The following GTF2I variants were observed in gnomAD, a reference collection of about 807,000 sequenced individuals.
GTF2I encodes the protein general transcription factor IIi, also known as general transcription factor II-I.
GTF2I carries 12 observed loss-of-function variants against 67.6 expected under a neutral mutation model. The ratio of observed to expected loss-of-function variants is 0.18; its 90% CI spans 0.11 to 0.29. The LOEUF (loss-of-function observed/expected upper bound fraction) is 0.29, where lower values mean the gene tolerates loss of function less well. Ranked by LOEUF, GTF2I falls within the 10% of genes least tolerant of loss-of-function variation. The probability of loss-of-function intolerance (pLI) is 1.00; values close to 1 mark genes in which losing one functional copy is unlikely to be tolerated. For synonymous variants in GTF2I, 149 were observed against 197.0 expected (o/e 0.76, Z 2.04); for missense variants, 271 against 580.1 (o/e 0.47, Z 5.47).
chr7:74,700,790 A>G (rs1224966077), intron 6 of GTF2I, among the ~76,000 whole-genome samples, 156 bp downstream of exon 6: 1 of 152,246 alleles, frequency 6.6e-6, no homozygotes, highest in East Asian at 1.9e-4. Context: ...CAAAAGGTTC[A>G]TTGAGCTAAA....
At chr7:74,721,190 C>T (rs782483599) in intron 12 of GTF2I, among the ~76,000 whole-genome samples, 3 of 152,072 alleles carry the variant, frequency 2.0e-5, no homozygotes, top group South Asian at 2.1e-4. Context: ...TACAGGCATG[C>T]GCCGCCATGC....
rs1264234850 is a variant in GTF2I at position 74,708,380 on chromosome 7, G to GT, written c.685+1955dup. ...TTGTAACCTTAAGGAGAATACTAAG[G>GT]TTTTTTTTAAGGAACAATTCTAGGC... is the stretch of plus-strand genomic sequence containing the variant. On this transcript the variant is annotated intron_variant, in intron 8 of 34. Coordinates refer to ENST00000573035, the MANE Select transcript of GTF2I (RefSeq NM_032999.4). 1.6e-4 allele frequency among the ~76,000 whole-genome samples: 24 copies of GT among 151,864 alleles called. No individual in the cohort carries two copies. The East Asian group carries it at 3.5e-3, about 22-fold the overall frequency.
At chr7:74,752,442 A>G (rs1795855780) in intron 28 of GTF2I, among the ~76,000 whole-genome samples, 1 of 150,274 alleles carries the variant, frequency 6.7e-6, no homozygotes, top group African/African-American at 2.4e-5. Context: ...GAGACCGGGC[A>G]CGGTGGCTCA....
intron 3 of GTF2I, among the ~76,000 whole-genome samples, chr7:74,693,853 A>G (rs1171816328): frequency 2.0e-5 from 3 of 152,118 alleles, no homozygotes; most frequent in Admixed American, 6.5e-5. Context: ...TCAACGAAAA[A>G]AAAAGGAAAT....
intron 1 of GTF2I, among the ~76,000 whole-genome samples, chr7:74,685,127 AC>A: frequency 6.6e-6 from 1 of 152,366 alleles, no homozygotes; most frequent in South Asian, 2.1e-4. Context: ...ACTTGAAGTT[AC>A]AAAGGTTACA....
intron 20 of GTF2I, 118 bp downstream of exon 20, chr7:74,743,638 C>CTTTG (rs1795209385): frequency 1.4e-6 from 1 of 700,012 alleles, no homozygotes; most frequent in African/African-American, 1.7e-5. Context: ...AATCGCAGCA[C>CTTTG]TTTGGGAGGC....
intron 1 of GTF2I, among the ~76,000 whole-genome samples, chr7:74,679,659 A>G (rs1459563789): frequency 6.6e-6 from 1 of 151,964 alleles, no homozygotes; most frequent in Non-Finnish European, 1.5e-5. Context: ...TTTGGTCTTG[A>G]ACTCTAGACC....
chr7:74,701,547 T>C (rs897592472), intron 6 of GTF2I, among the ~76,000 whole-genome samples: 2 of 152,148 alleles, frequency 1.3e-5, no homozygotes, highest in Non-Finnish European at 1.5e-5. Flanking sequence ...CTTGGCTCAC[T>C]GCAGCCTCTG....
In GTF2I at chr7:74,705,213, T is replaced by C; in HGVS notation, c.636T>C (p.Gly212=). 6.3e-7 allele frequency: 1 copy of C among 1,593,444 alleles called. No homozygotes were observed. Among genetic ancestry groups the C allele is most frequent in the Non-Finnish European group, 8.6e-7 (1 of 1,161,760 alleles). Reference sequence around the variant, plus strand: ...CTGACAGGTCAATACTATCTCCAGGTGGAAGGTAAAACCTAATTTCATTAC... The same window carrying C: ...CTGACAGGTCAATACTATCTCCAGGCGGAAGGTAAAACCTAATTTCATTAC... ...TDADRSILSP[G]GSCGPIKVKT... is the part of the protein sequence containing the mutation. Residue 212 remains glycine, a synonymous_variant, in exon 7 of 35, where the codon GGT becomes GGC. Transcript: ENST00000573035.
In GTF2I at chr7:74,701,876, G is replaced by C. The variant is rs587710315; in HGVS notation, c.586+1242G>C. On this transcript the variant is annotated intron_variant, in intron 6 of 34. Coordinates refer to ENST00000573035, the MANE Select transcript of GTF2I (RefSeq NM_032999.4). Reference sequence around the variant, plus strand: ...GTCTTAATTTTGGGATGCTTTCATCGTCCCTGTCTCTGTTATTTCATGAAT... The same window carrying C: ...GTCTTAATTTTGGGATGCTTTCATCCTCCCTGTCTCTGTTATTTCATGAAT... Among the ~76,000 whole-genome samples the C allele has an allele frequency of 2.2e-4, 34 of 152,228 alleles. 1 individual carries two copies. The highest frequency in any genetic ancestry group is 6.8e-3 in the Middle Eastern group (2 of 294).
At chr7:74,680,099 A>AAAAAAAAAAAATATATAT in intron 1 of GTF2I, among the ~76,000 whole-genome samples, 4 of 95,002 alleles carry the variant, frequency 4.2e-5, no homozygotes, top group African/African-American at 1.2e-4. Flanking sequence ...AAAAAAAAAA[A>AAAAAAAAAAAATATATAT]ATATATATAT....
At chr7:74,676,277 TCAGCAAAC>T (rs1805898944) in intron 1 of GTF2I, among the ~76,000 whole-genome samples, 4 of 152,078 alleles carry the variant, frequency 2.6e-5, no homozygotes, top group African/African-American at 9.7e-5. Flanking sequence ...ACTGATAGGG[TCAGCAAAC>T]TACCTTAAAC....
chr7:74,724,132 T>A (rs1362995851), intron 12 of GTF2I, among the ~76,000 whole-genome samples: 3 of 149,876 alleles, frequency 2.0e-5, no homozygotes, highest in Admixed American at 6.6e-5. Flanking sequence ...TTGTTTTAAA[T>A]TTTTTTTATT....
At chr7:74,709,189 C>T (rs1035214794) in intron 8 of GTF2I, among the ~76,000 whole-genome samples, 6 of 152,142 alleles carry the variant, frequency 3.9e-5, no homozygotes, top group African/African-American at 1.4e-4. Context: ...TAGGCATAGT[C>T]GCCACAGTCT....
intron 1 of GTF2I, among the ~76,000 whole-genome samples, chr7:74,675,884 C>T (rs1396508708): frequency 1.3e-5 from 2 of 152,094 alleles, no homozygotes; most frequent in Non-Finnish European, 2.9e-5. Context: ...GTGATGGGCG[C>T]CTATAGTCCC....
intron 12 of GTF2I, among the ~76,000 whole-genome samples, chr7:74,724,832 A>C (rs960020116): frequency 1.3e-5 from 2 of 152,050 alleles, no homozygotes; most frequent in Non-Finnish European, 2.9e-5. Context: ...GAGGCAGGAG[A>C]ATTGCTTGAA....
chr7:74,663,859 C>A (rs933349816), intron 1 of GTF2I, among the ~76,000 whole-genome samples: 1 of 151,830 alleles, frequency 6.6e-6, no homozygotes. Flanking sequence ...GACAGAGTCT[C>A]GCTTTTGTCA....
chr7:74,731,462 G>T, intron 14 of GTF2I, among the ~76,000 whole-genome samples: 1 of 146,770 alleles, frequency 6.8e-6, no homozygotes. Context: ...TATTTTTAGT[G>T]GTTTACTTAA....
intron 1 of GTF2I, among the ~76,000 whole-genome samples, chr7:74,673,552 T>C (rs1805638138): frequency 6.6e-6 from 1 of 151,696 alleles, no homozygotes. Flanking sequence ...TGGCTAATTT[T>C]GTATTTTTAG....
Sources: allele counts gnomAD v4.1 joint callset (sites outside exome capture counted in the v4.1 genomes callset), GRCh38; gene constraint gnomAD v4.1.1; transcripts MANE v1.5; gene names NCBI Gene and HGNC (gene_info 2026-07-23, HGNC 2026-07-21).